ASIC2: variants seen among roughly 807,000 people sequenced by gnomAD.
ASIC2 encodes the protein acid-sensing ion channel 2.
In ASIC2, 25 loss-of-function variants were observed where a neutral mutation model predicts 57.3. That is an observed-to-expected ratio of 0.44 (90% CI 0.32 to 0.61). ASIC2 has a LOEUF of 0.61. Among genes scored for constraint, ASIC2 ranks in the 20% least tolerant of loss-of-function variants. The pLI is 0.06. For synonymous variants in ASIC2, 319 were observed against 307.5 expected (o/e 1.04, Z -0.39); for missense variants, 641 against 738.1 (o/e 0.87, Z 1.52).
intron 1 of ASIC2, among the ~76,000 whole-genome samples, chr17:33,685,502 T>C (rs540581022): frequency 6.6e-6 from 1 of 152,194 alleles, no homozygotes; most frequent in African/African-American, 2.4e-5. Flanking sequence ...TAGTCCTTGA[T>C]AGGGGATGAT....
intron 3 of ASIC2, among the ~76,000 whole-genome samples, chr17:33,037,945 TTGGGTGTACAGTTAGA>T (rs1389635107): frequency 6.6e-6 from 1 of 152,168 alleles, no homozygotes; most frequent in Non-Finnish European, 1.5e-5. Flanking sequence ...GATTCAAGCA[TTGGGTGTACAGTTAGA>T]TGAGATGACT....
At chr17:33,294,898 C>CCCCA (rs1288548926), upstream of ASIC2, among the ~76,000 whole-genome samples, 2 of 150,878 alleles carry the variant, frequency 1.3e-5, no homozygotes, top group Non-Finnish European at 2.9e-5. Context: ...GCCTGCTGTA[C>CCCCA]TGGGGCCTCT....
At chr17:33,768,553 G>A (rs551725786) in intron 1 of ASIC2, among the ~76,000 whole-genome samples, 1 of 152,246 alleles carries the variant, frequency 6.6e-6, no homozygotes, top group South Asian at 2.1e-4. Flanking sequence ...TCAATATCAT[G>A]TACTGAAATT....
rs528960881 is a variant in ASIC2, at chr17:33,840,734, T to C, written c.555+315244A>G. Among the ~76,000 whole-genome samples, 15 of 151,668 alleles carry C rather than the reference T, an allele frequency of 9.9e-5. No individual in the cohort carries two copies. In the South Asian group the frequency reaches 3.1e-3, roughly 32 times the overall value. ...GTGTTGTAAGAAATAGGTGATTGCTTTAAATAAAGACATGGAATATTAATT... is the reference window on the plus strand; with the variant it reads ...GTGTTGTAAGAAATAGGTGATTGCTCTAAATAAAGACATGGAATATTAATT... On this transcript the variant is annotated intron_variant, in intron 1 of 9. Coordinates refer to the ASIC2 transcript ENST00000359872.
intron 1 of ASIC2, among the ~76,000 whole-genome samples, chr17:33,398,098 A>G (rs1456362928): frequency 5.9e-5 from 9 of 152,160 alleles, no homozygotes; most frequent in Non-Finnish European, 1.2e-4. Flanking sequence ...AACCGACTCT[A>G]TGTTTTTGTT....
intron 1 of ASIC2, among the ~76,000 whole-genome samples, chr17:33,414,554 G>T (rs1459711572): frequency 1.3e-5 from 2 of 152,174 alleles, no homozygotes; most frequent in African/African-American, 2.4e-5. Flanking sequence ...TCTGGAGGGG[G>T]TCAAGGCCTG....
At chr17:33,237,320 C>T (rs1454976220) in intron 1 of ASIC2, among the ~76,000 whole-genome samples, 1 of 150,360 alleles carries the variant, frequency 6.7e-6, no homozygotes. Context: ...TTGGTCTCTG[C>T]AATTAGGTAG....
At chr17:33,215,520 G>A (rs1907442379) in intron 1 of ASIC2, among the ~76,000 whole-genome samples, 1 of 152,136 alleles carries the variant, frequency 6.6e-6, no homozygotes, top group African/African-American at 2.4e-5. Context: ...GGAAAAAAGT[G>A]GCTTGCAAAA....
At chr17:33,082,434 T>C (rs879195895) in intron 3 of ASIC2, among the ~76,000 whole-genome samples, 10 of 152,210 alleles carry the variant, frequency 6.6e-5, no homozygotes, top group African/African-American at 2.4e-4. Context: ...CATGGTGGCT[T>C]ACACCTATAA....
At position 33,365,383 on chromosome 17, in the gene ASIC2, G is replaced by GTT. The variant is rs5820036; in HGVS notation, c.556-253318_556-253317dup. 8.0e-3 allele frequency among the ~76,000 whole-genome samples: 1,198 copies of GTT among 149,370 alleles called. 28 individuals are homozygous for GTT. Among genetic ancestry groups the GTT allele is most frequent in the East Asian group, 0.059 (302 of 5,120 alleles). ...GCTCCTAGGGTAGTAACTGGGTCTT[G>GTT]TTTTTTTTTTGATTCCCTAGTGTTT... On this transcript the variant is annotated intron_variant, in intron 1 of 9. Transcript: ENST00000359872.
chr17:33,155,669 C>G (rs1904976908), intron 1 of ASIC2, among the ~76,000 whole-genome samples: 1 of 150,748 alleles, frequency 6.6e-6, no homozygotes, highest in Non-Finnish European at 1.5e-5. Flanking sequence ...AAGCAATTCT[C>G]CTGCCTCAGC....
chr17:34,152,211 A>G (rs1170672818), intron 1 of ASIC2, among the ~76,000 whole-genome samples: 1 of 152,206 alleles, frequency 6.6e-6, no homozygotes, highest in African/African-American at 2.4e-5. Context: ...TTTGTTAAGG[A>G]AAGAAAGAAA....
intron 1 of ASIC2, among the ~76,000 whole-genome samples, chr17:33,213,811 G>A (rs978070850): frequency 6.6e-6 from 1 of 152,148 alleles, no homozygotes; most frequent in African/African-American, 2.4e-5. Flanking sequence ...GTTGACGCAA[G>A]GTTTAATGAG....
chr17:33,321,022 C>T (rs945235997), intron 1 of ASIC2, among the ~76,000 whole-genome samples: 1 of 152,160 alleles, frequency 6.6e-6, no homozygotes, highest in Admixed American at 6.6e-5. Flanking sequence ...CTAGGAATAG[C>T]GCTGCTGTGA....
chr17:33,663,473 A>G (rs78414213), intron 1 of ASIC2, among the ~76,000 whole-genome samples: 2,694 of 151,620 alleles, frequency 0.018, 39 homozygotes, highest in Non-Finnish European at 0.026. Context: ...TTCTTCTCCA[A>G]TCTTCACAGA....
chr17:34,132,378 G>A (rs1041406386), intron 1 of ASIC2, among the ~76,000 whole-genome samples: 3 of 152,178 alleles, frequency 2.0e-5, no homozygotes, highest in East Asian at 1.9e-4. Flanking sequence ...ACAGGTAGAC[G>A]GGTTGCGGCT....
intron 1 of ASIC2, chr17:33,689,244 AC>A (rs1908290526): frequency 1.3e-5 from 2 of 152,174 alleles, no homozygotes; most frequent in Admixed American, 1.3e-4. Flanking sequence ...TTATTGGTTT[AC>A]CTTTTAGTAG....
rs758740994 is a variant in ASIC2, at chr17:34,156,126, G to A, written c.407C>T (p.Ala136Val). 2 of 1,614,104 alleles carry A rather than the reference G, an allele frequency of 1.2e-6. No homozygotes were observed. Among genetic ancestry groups the A allele is most frequent in the Admixed American group, 3.3e-5 (2 of 60,026 alleles). Residue 136 changes from alanine (A) to valine (V), a missense_variant, in exon 1 of 10, where the codon GCC (alanine) becomes GTC (valine). Ala to Val is a moderately conservative substitution (Grantham distance 64). Coordinates refer to the ASIC2 transcript ENST00000359872. The surrounding 1 kb of genome is among the most constrained non-coding windows in gnomAD (Gnocchi z 4.4). ...CTTGAAGTTGGCCTTCTGCCGCAGG[G>A]CCTCCAGCACGGAGGGGTCAGCCAG...
chr17:33,756,162 G>A (rs1216177661), intron 1 of ASIC2, among the ~76,000 whole-genome samples: 1 of 152,266 alleles, frequency 6.6e-6, no homozygotes, highest in Admixed American at 6.5e-5. Flanking sequence ...AAGTGGCATG[G>A]CCTTCAGCCA....
Sources: allele counts gnomAD v4.1 joint callset (sites outside exome capture counted in the v4.1 genomes callset), GRCh38; gene constraint gnomAD v4.1.1; non-coding constraint Gnocchi (gnomAD v3.1); transcripts MANE v1.5; gene names NCBI Gene and HGNC (gene_info 2026-07-23, HGNC 2026-07-21).